The following ITPR2 variants were observed in gnomAD, a reference collection of about 807,000 sequenced individuals.
ITPR2 encodes inositol 1,4,5-trisphosphate receptor type 2.
In ITPR2, 207 loss-of-function variants were observed where a neutral mutation model predicts 317.1. That is an observed-to-expected ratio of 0.65 (90% CI 0.58 to 0.73). The LOEUF (loss-of-function observed/expected upper bound fraction) is 0.73, where lower values mean the gene tolerates loss of function less well. Among genes scored for constraint, ITPR2 ranks in the 30% least tolerant of loss-of-function variants. The probability of loss-of-function intolerance (pLI) is 0.00; values close to 1 mark genes in which losing one functional copy is unlikely to be tolerated. For missense variants in ITPR2, 2,613 were observed against 3,284.0 expected (o/e 0.80, Z 4.99); for synonymous variants, 1,156 against 1,149.1 (o/e 1.01, Z -0.12).
chr12:26,691,379 C>A (rs1015016297), intron 10 of ITPR2, among the ~76,000 whole-genome samples: 3 of 152,038 alleles, frequency 2.0e-5, no homozygotes, highest in Admixed American at 6.6e-5. Context: ...AGCGCAACGC[C>A]CTCTCTCTTC....
intron 1 of ITPR2, among the ~76,000 whole-genome samples, chr12:26,815,140 A>T (rs1415114972): frequency 6.6e-6 from 1 of 152,158 alleles, no homozygotes; most frequent in Non-Finnish European, 1.5e-5. Flanking sequence ...GGAGTTTGAG[A>T]CCATCCTGGC....
chr12:26,339,307 G>A lies in ITPR2; in HGVS notation c.*90C>T, dbSNP rs1187647855. On this transcript the variant is annotated 3_prime_UTR_variant, in exon 57 of 57. Coordinates refer to ENST00000381340, the MANE Select transcript of ITPR2 (RefSeq NM_002223.4). ...GGTTGTTTTTAACTTTTCAACAATA[G>A]GCACTGTTCACTCCCCTCCATCTCA... is the stretch of plus-strand genomic sequence containing the variant. 2 of 1,089,856 alleles carry A rather than the reference G, an allele frequency of 1.8e-6. No individual in the cohort carries two copies. The highest frequency in any genetic ancestry group is 2.8e-6 in the Non-Finnish European group (2 of 722,962). 67.5% of individuals were successfully genotyped at this position (1,089,856 alleles called of 1,614,324 possible).
chr12:26,527,634 T>C (rs556220454), intron 37 of ITPR2, among the ~76,000 whole-genome samples: 10 of 152,318 alleles, frequency 6.6e-5, no homozygotes, highest in East Asian at 1.9e-4. Context: ...GAGTAATGCA[T>C]AGTTTAGTGG....
intron 39 of ITPR2, among the ~76,000 whole-genome samples, chr12:26,493,678 T>A (rs1942862576): frequency 6.6e-6 from 1 of 151,984 alleles, no homozygotes. Context: ...CTGTACCCTA[T>A]AAATATGTAC....
At chr12:26,499,362 C>G (rs1943021308) in intron 37 of ITPR2, among the ~76,000 whole-genome samples, 1 of 152,180 alleles carries the variant, frequency 6.6e-6, no homozygotes, top group South Asian at 2.1e-4. Flanking sequence ...ATAGAAAAGG[C>G]AGGGGCTTCC....
intron 1 of ITPR2, chr12:26,801,308 T>G (rs1454273949): frequency 5.8e-6 from 1 of 171,760 alleles, no homozygotes; most frequent in Non-Finnish European, 1.3e-5. Flanking sequence ...CCAAAATTTG[T>G]TGGCAAATGA....
intron 1 of ITPR2, among the ~76,000 whole-genome samples, chr12:26,790,586 T>TACACACACAC (rs10527860): frequency 0.021 from 3,111 of 147,786 alleles, 37 homozygotes; most frequent in Admixed American, 0.024. Context: ...CATATATGCT[T>TACACACACAC]ACACACACAC....
At chr12:26,673,121 A>G (rs1947825585) in intron 13 of ITPR2, among the ~76,000 whole-genome samples, 1 of 152,250 alleles carries the variant, frequency 6.6e-6, no homozygotes, top group South Asian at 2.1e-4. Context: ...AGATACAAGG[A>G]GGAACTGGTA....
Position 26,622,231 on chromosome 12 carries a change from C to A in ITPR2, c.3288+9G>T, listed in dbSNP as rs1224872283. On this transcript the variant is annotated intron_variant, in intron 25 of 56. Coordinates refer to ENST00000381340, the MANE Select transcript of ITPR2 (RefSeq NM_002223.4). Reference sequence around the variant, plus strand: ...TGCTGTGGATGCATTGAGGGCTCTTCAATCTTACCTGCTTAAATGCCTGTA... The same window carrying A: ...TGCTGTGGATGCATTGAGGGCTCTTAAATCTTACCTGCTTAAATGCCTGTA... 3.1e-6 allele frequency: 5 copies of A among 1,601,816 alleles called. No homozygotes were observed. The African/African-American group carries it at 5.4e-5, about 17-fold the overall frequency.
At chr12:26,590,636 A>T (rs1945674730) in intron 32 of ITPR2, among the ~76,000 whole-genome samples, 1 of 152,212 alleles carries the variant, frequency 6.6e-6, no homozygotes, top group Non-Finnish European at 1.5e-5. Flanking sequence ...TGGATTAAAG[A>T]CTTAAATCTG....
chr12:26,746,352 C>T (rs893341765), intron 2 of ITPR2, among the ~76,000 whole-genome samples: 2 of 152,164 alleles, frequency 1.3e-5, no homozygotes, highest in Non-Finnish European at 2.9e-5. Context: ...ATTCACTGAG[C>T]TTAGAGAAGA....
intron 9 of ITPR2, among the ~76,000 whole-genome samples, chr12:26,697,483 GA>G (rs1282264657): frequency 1.3e-5 from 2 of 152,108 alleles, no homozygotes; most frequent in Non-Finnish European, 2.9e-5. Context: ...TAAAGGCAAC[GA>G]AATAACATAA....
chr12:26,703,043 T>C lies in ITPR2; in HGVS notation c.952-7393A>G, dbSNP rs151011848. 5.2e-3 allele frequency among the ~76,000 whole-genome samples: 794 copies of C among 152,342 alleles called. 6 individuals are homozygous for C. The highest frequency in any genetic ancestry group is 0.017 in the African/African-American group (720 of 41,584). ...ACTTCCACATAAATAATTAGGCTTA[T>C]TACATTTTTCTGAATACCTAAACAA... is the stretch of plus-strand genomic sequence containing the variant. On this transcript the variant is annotated intron_variant, in intron 9 of 56. Coordinates refer to ENST00000381340, the MANE Select transcript of ITPR2 (RefSeq NM_002223.4).
intron 10 of ITPR2, among the ~76,000 whole-genome samples, chr12:26,689,285 C>T (rs1172869425): frequency 6.6e-6 from 1 of 152,196 alleles, no homozygotes; most frequent in Non-Finnish European, 1.5e-5. Flanking sequence ...GGCATGATGG[C>T]ACACGCCTAT....
chr12:26,643,838 C>T (rs1181503842), intron 21 of ITPR2, among the ~76,000 whole-genome samples: 1 of 152,152 alleles, frequency 6.6e-6, no homozygotes, highest in Non-Finnish European at 1.5e-5. Context: ...AGAGAAATGC[C>T]TTAAAGATGG....
intron 37 of ITPR2, among the ~76,000 whole-genome samples, chr12:26,509,922 C>A (rs1410343236): frequency 7.6e-6 from 1 of 131,746 alleles, no homozygotes; most frequent in African/African-American, 2.8e-5. Flanking sequence ...AAAAAAAGAT[C>A]CCAGAATTTA....
intron 1 of ITPR2, among the ~76,000 whole-genome samples, chr12:26,815,985 C>A (rs887757910): frequency 6.8e-6 from 1 of 146,708 alleles, no homozygotes; most frequent in Admixed American, 7.0e-5. Flanking sequence ...CCCAGCTACT[C>A]GGGAGGCTGA....
intron 37 of ITPR2, chr12:26,495,484 G>T (rs1173961413): frequency 2.2e-6 from 1 of 453,124 alleles, no homozygotes; most frequent in Non-Finnish European, 4.0e-6. Context: ...AAGCTTTTTG[G>T]AGGTGACGAA....
intron 21 of ITPR2, among the ~76,000 whole-genome samples, chr12:26,639,587 A>T (rs1946937968): frequency 6.6e-6 from 1 of 151,096 alleles, no homozygotes; most frequent in Non-Finnish European, 1.5e-5. Flanking sequence ...GTCATTTAAC[A>T]TTAGGTATAT....
Sources: allele counts gnomAD v4.1 joint callset (sites outside exome capture counted in the v4.1 genomes callset), GRCh38; gene constraint gnomAD v4.1.1; transcripts MANE v1.5; gene names NCBI Gene and HGNC (gene_info 2026-07-23, HGNC 2026-07-21).